Variants in DMD observed in about 807,000 individuals in gnomAD.
DMD encodes the protein mutant dystrophin.
In DMD, 63 loss-of-function variants were observed where a neutral mutation model predicts 330.1. That is an observed-to-expected ratio of 0.19 (90% CI 0.16 to 0.24). The LOEUF (loss-of-function observed/expected upper bound fraction) is 0.24. DMD is among the 10% of genes least tolerant of loss of function. The pLI is 1.00. For synonymous variants in DMD, 1,223 were observed against 959.8 expected, an observed-to-expected ratio of 1.27 and a Z score of -5.07; for missense variants, 3,344 against 2,684.1, an observed-to-expected ratio of 1.25 and a Z score of -5.43.
At chrX:32,622,410 T>C (rs1019278541) in intron 11 of DMD, among the ~76,000 whole-genome samples, 2 of 112,073 alleles carry the variant, frequency 1.8e-5, no homozygotes, top group Non-Finnish European at 3.8e-5. Context: ...CTTGACTAGA[T>C]ATTAGCAAAT....
At chrX:31,149,124 C>T (rs1050273173) in intron 74 of DMD, among the ~76,000 whole-genome samples, 1 of 111,790 alleles carries the variant, frequency 8.9e-6, no homozygotes, top group Non-Finnish European at 1.9e-5. Context: ...TTGAATTTAC[C>T]CAGAATCTAT....
intron 1 of DMD, among the ~76,000 whole-genome samples, chrX:33,197,598 C>T (rs1405791122): frequency 1.8e-5 from 2 of 111,846 alleles, no homozygotes; most frequent in African/African-American, 6.5e-5. Flanking sequence ...TTATTCCTGA[C>T]CTCTGGCAAC....
At chrX:31,637,450 A>G (rs989476478) in intron 54 of DMD, among the ~76,000 whole-genome samples, 1 of 111,389 alleles carries the variant, frequency 9.0e-6, no homozygotes, top group African/African-American at 3.3e-5. Flanking sequence ...CATGAAAGGA[A>G]TGAATCTGAG....
chrX:32,872,664 A>T (rs975922625), intron 2 of DMD, among the ~76,000 whole-genome samples: 2 of 112,324 alleles, frequency 1.8e-5, no homozygotes, highest in African/African-American at 6.5e-5. Context: ...AGGAGATTTT[A>T]TAAAAAGGGA....
chrX:32,220,925 A>G (rs916311979), intron 43 of DMD, among the ~76,000 whole-genome samples: 2 of 111,785 alleles, frequency 1.8e-5, no homozygotes, highest in African/African-American at 6.5e-5. Flanking sequence ...ATGTCAGTAT[A>G]AACATAAGGA....
intron 53 of DMD, among the ~76,000 whole-genome samples, chrX:31,678,078 A>C (rs1401220158): frequency 1.8e-5 from 2 of 112,333 alleles, no homozygotes; most frequent in Non-Finnish European, 3.8e-5. Context: ...ACAGCTCCTA[A>C]GAATGGCTTG....
intron 2 of DMD, among the ~76,000 whole-genome samples, chrX:33,017,755 A>T (rs1278792836): frequency 1.8e-5 from 2 of 111,231 alleles, no homozygotes; most frequent in Non-Finnish European, 3.8e-5. Flanking sequence ...GCCTTCTCAG[A>T]CCACCCACAC....
intron 2 of DMD, among the ~76,000 whole-genome samples, chrX:33,010,062 A>ATATACACATGTGTATATATACGTGTG (rs1318950415): frequency 2.9e-5 from 1 of 34,472 alleles, no homozygotes; most frequent in Non-Finnish European, 6.7e-5. Flanking sequence ...ATATACGTGT[A>ATATACACATGTGTATATATACGTGTG]TATATACACA....
intron 2 of DMD, among the ~76,000 whole-genome samples, chrX:32,884,980 A>C (rs188818574): frequency 1.8e-5 from 2 of 112,116 alleles, no homozygotes; most frequent in African/African-American, 6.5e-5. Context: ...CATGCCTGAG[A>C]AAATGCTGTG....
At chrX:32,268,212 T>C (rs1005975822) in intron 43 of DMD, among the ~76,000 whole-genome samples, 1 of 111,303 alleles carries the variant, frequency 9.0e-6, no homozygotes, top group African/African-American at 3.3e-5. Context: ...ATCTTGGGCC[T>C]GGACACTCCA....
intron 2 of DMD, among the ~76,000 whole-genome samples, chrX:32,970,621 G>T (rs540077324): frequency 2.2e-5 from 2 of 92,165 alleles, no homozygotes; most frequent in Non-Finnish European, 4.1e-5. Flanking sequence ...GTGACAGAGC[G>T]AGACTCCATC....
chrX:32,314,372 C>T (rs2097575484), intron 41 of DMD, among the ~76,000 whole-genome samples: 2 of 111,348 alleles, frequency 1.8e-5, no homozygotes. Context: ...AGACCCCTTT[C>T]TTACACCTTA....
chrX:31,426,871 C>T (rs2063748114), intron 60 of DMD, among the ~76,000 whole-genome samples: 1 of 112,161 alleles, frequency 8.9e-6, no homozygotes, highest in South Asian at 3.7e-4. Context: ...AAAGGTTCTA[C>T]TCATCCAAAT....
intron 11 of DMD, among the ~76,000 whole-genome samples, chrX:32,621,738 G>A (rs1009284483): frequency 9.0e-6 from 1 of 110,655 alleles, no homozygotes; most frequent in Non-Finnish European, 1.9e-5. Flanking sequence ...TTAATGACTG[G>A]TACAGTCACA....
intron 50 of DMD, among the ~76,000 whole-genome samples, chrX:31,797,820 G>T (rs909297446): frequency 9.0e-6 from 1 of 111,253 alleles, no homozygotes. Flanking sequence ...GAGGAGATAA[G>T]GGACATATAA....
At chrX:32,518,824 A>G (rs1409418151) in intron 17 of DMD, among the ~76,000 whole-genome samples, 1 of 110,216 alleles carries the variant, frequency 9.1e-6, no homozygotes, top group Admixed American at 9.8e-5. Context: ...CTGAAGACAG[A>G]CAAATGAGTG....
chrX:31,715,217 TG>T (rs1272445887), intron 52 of DMD, among the ~76,000 whole-genome samples: 3 of 80,788 alleles, frequency 3.7e-5, no homozygotes, highest in Non-Finnish European at 6.9e-5. Flanking sequence ...GATTGGGGGT[TG>T]GTGGGGGGGG....
chrX:32,335,448 T>C (rs1479657579), intron 41 of DMD, among the ~76,000 whole-genome samples: 16 of 105,046 alleles, frequency 1.5e-4, no homozygotes, highest in Non-Finnish European at 7.7e-5. Flanking sequence ...TGGATGTATA[T>C]ATGTATATAC....
At chrX:32,395,490 G>A (rs1417994460) in intron 30 of DMD, among the ~76,000 whole-genome samples, 1 of 111,149 alleles carries the variant, frequency 9.0e-6, no homozygotes, top group African/African-American at 3.3e-5. Context: ...GTTAATGGGT[G>A]CAGCACACCA....
Sources: allele counts gnomAD v4.1 joint callset (sites outside exome capture counted in the v4.1 genomes callset), GRCh38; gene constraint gnomAD v4.1.1; transcripts MANE v1.5; gene names NCBI Gene and HGNC (gene_info 2026-07-23, HGNC 2026-07-21).